MEGF9: variants seen among roughly 807,000 people sequenced by gnomAD.
The protein encoded by MEGF9 is multiple EGF like domains 9.
MEGF9 carries 6 observed loss-of-function variants against 46.8 expected under a neutral mutation model. That is an observed-to-expected ratio of 0.13 (90% CI 0.07 to 0.25). MEGF9 has a LOEUF of 0.25. Ranked by LOEUF, MEGF9 falls within the 10% of genes least tolerant of loss-of-function variation. The probability of loss-of-function intolerance (pLI) is 1.00; values close to 1 mark genes in which losing one functional copy is unlikely to be tolerated. For missense variants in MEGF9, 683 were observed against 792.4 expected (o/e 0.86, Z 1.66); for synonymous variants, 302 against 330.7 (o/e 0.91, Z 0.94).
intron 1 of MEGF9, among the ~76,000 whole-genome samples, chr9:120,661,873 T>C (rs1205263665): frequency 2.0e-5 from 3 of 152,236 alleles, no homozygotes; most frequent in African/African-American, 4.8e-5. Flanking sequence ...ACACTTAACA[T>C]TTTTCTTCTG....
chr9:120,612,494 T>A lies in MEGF9; in HGVS notation c.989A>T (p.Glu330Val). The A allele has an allele frequency of 6.2e-7, 1 of 1,612,398 alleles. No individual in the cohort carries two copies. The highest frequency in any genetic ancestry group is 8.5e-7 in the Non-Finnish European group (1 of 1,178,882). Residue 330 changes from glutamate to valine, a missense_variant, in exon 4 of 6, where the codon GAA becomes GTA. This residue lies in a region of MEGF9 where 313 missense variants were observed against 421.1 expected (regional missense o/e 0.74). Transcript: ENST00000373930. ...CTGATAAAATCCTTCTTTACATTCTTCACAGTGATTTCCTTTGCTATTTTC... is the reference window on the plus strand; with the variant it reads ...CTGATAAAATCCTTCTTTACATTCTACACAGTGATTTCCTTTGCTATTTTC... ...CQENSKGNHC[E>V]ECKEGFYQSP...
intron 1 of MEGF9, among the ~76,000 whole-genome samples, chr9:120,689,296 C>T (rs1257194972): frequency 6.6e-6 from 1 of 152,078 alleles, no homozygotes; most frequent in Non-Finnish European, 1.5e-5. Flanking sequence ...TGTGTAACAA[C>T]ATCAAGGCAA....
chr9:120,630,259 T>C (rs1301429980), intron 2 of MEGF9, among the ~76,000 whole-genome samples: 1 of 152,266 alleles, frequency 6.6e-6, no homozygotes, highest in Non-Finnish European at 1.5e-5. Context: ...AGTTCCCACA[T>C]AAGTAGGAAC....
At chr9:120,613,589 G>GA (rs750905168) in intron 3 of MEGF9, among the ~76,000 whole-genome samples, 52 of 151,674 alleles carry the variant, frequency 3.4e-4, no homozygotes, top group South Asian at 1.3e-3. Flanking sequence ...ATAAAGAAAA[G>GA]AAAAAAACAA....
In MEGF9 at chr9:120,714,017, G is replaced by A. The variant is rs779937587; in HGVS notation, c.342C>T (p.Thr114=). 1.1e-5 allele frequency: 15 copies of A among 1,370,910 alleles called. No individual in the cohort carries two copies. In the East Asian group the frequency reaches 4.2e-4, roughly 38 times the overall value. 84.9% of individuals were successfully genotyped at this position (1,370,910 alleles called of 1,614,324 possible). A position where few individuals can be genotyped will look rare whatever the true frequency, so the allele number is the denominator to read the frequency against. Residue 114 remains threonine, a synonymous_variant, in exon 1 of 6, where the codon ACC becomes ACT. Transcript: ENST00000373930. The part of the protein sequence containing the change: ...PLWATAGPSS[T]TFQAPLGPSP... ...AGGGGCCGAGCGGCGCCTGAAAGGT[G>A]GTGGAAGAGGGTCCAGCAGTCGCCC...
At chr9:120,667,868 T>C (rs915781839) in intron 1 of MEGF9, among the ~76,000 whole-genome samples, 3 of 152,048 alleles carry the variant, frequency 2.0e-5, no homozygotes, top group African/African-American at 7.2e-5. Flanking sequence ...TCTACTAAAA[T>C]ACAAAAATTA....
At chr9:120,656,546 CA>C (rs11446439) in intron 2 of MEGF9, among the ~76,000 whole-genome samples, 1,724 of 88,876 alleles carry the variant, frequency 0.019, 12 homozygotes, top group African/African-American at 0.068. Context: ...GACTCCGTCT[CA>C]AAAAAAAAAA....
chr9:120,659,079 C>A (rs867707360), intron 2 of MEGF9, among the ~76,000 whole-genome samples: 5 of 152,146 alleles, frequency 3.3e-5, no homozygotes, highest in Non-Finnish European at 2.9e-5. Context: ...GAAAGCCCTT[C>A]CAGAAAGCAG....
chr9:120,637,154 G>A (rs1342353098), intron 2 of MEGF9, among the ~76,000 whole-genome samples: 2 of 152,290 alleles, frequency 1.3e-5, no homozygotes, highest in Admixed American at 6.5e-5. Context: ...AACATGTGCT[G>A]TGTCAACTCA....
At chr9:120,663,219 A>G (rs1030857041) in intron 1 of MEGF9, among the ~76,000 whole-genome samples, 1 of 152,310 alleles carries the variant, frequency 6.6e-6, no homozygotes, top group African/African-American at 2.4e-5. Flanking sequence ...GCCAGGGAGC[A>G]TGGGCATCTT....
At chr9:120,666,812 A>G (rs1257701542) in intron 1 of MEGF9, among the ~76,000 whole-genome samples, 1 of 152,188 alleles carries the variant, frequency 6.6e-6, no homozygotes, top group Non-Finnish European at 1.5e-5. Context: ...CCATTCATCA[A>G]TAAAAAGGAA....
chr9:120,695,064 G>C (rs575243546), intron 1 of MEGF9, among the ~76,000 whole-genome samples: 1 of 151,580 alleles, frequency 6.6e-6, no homozygotes, highest in Admixed American at 6.6e-5. Context: ...GAGAGAGAGA[G>C]AGACAAAGAC....
intron 2 of MEGF9, among the ~76,000 whole-genome samples, chr9:120,634,567 T>C (rs2043565956): frequency 6.8e-6 from 1 of 146,888 alleles, no homozygotes; most frequent in South Asian, 2.2e-4. Flanking sequence ...GCCATTCTCC[T>C]GCCTCAGGAA....
chr9:120,706,525 C>T (rs950077431), intron 1 of MEGF9, among the ~76,000 whole-genome samples: 2 of 152,084 alleles, frequency 1.3e-5, no homozygotes, highest in Admixed American at 6.5e-5. Context: ...AATTGTAAAA[C>T]GTTGTCAAAC....
chr9:120,669,944 C>T (rs2043741293), intron 1 of MEGF9, among the ~76,000 whole-genome samples: 2 of 152,126 alleles, frequency 1.3e-5, no homozygotes, highest in Admixed American at 6.5e-5. Context: ...TTACAATTTT[C>T]TGGCAGAAGG....
At chr9:120,666,387 C>T (rs2043725145) in intron 1 of MEGF9, among the ~76,000 whole-genome samples, 1 of 152,094 alleles carries the variant, frequency 6.6e-6, no homozygotes. Context: ...ACACACAATG[C>T]AAATATTATA....
intron 1 of MEGF9, among the ~76,000 whole-genome samples, chr9:120,698,764 C>T (rs1205601324): frequency 2.0e-5 from 3 of 152,164 alleles, no homozygotes; most frequent in Admixed American, 6.5e-5. Context: ...TCAATTTAAT[C>T]CCCTCTCAAT....
At chr9:120,672,458 A>G (rs2043753880) in intron 1 of MEGF9, among the ~76,000 whole-genome samples, 1 of 151,506 alleles carries the variant, frequency 6.6e-6, no homozygotes, top group Non-Finnish European at 1.5e-5. Flanking sequence ...ATAAATAAAT[A>G]AATAAATAAA....
rs10984968 is a variant in MEGF9, at chr9:120,630,200, C to T, written c.804-7445G>A. Among the ~76,000 whole-genome samples, 2,233 of 152,262 alleles carry T rather than the reference C, an allele frequency of 0.015. 67 individuals carry two copies. In the East Asian group the frequency reaches 0.15, roughly 10 times the overall value. On this transcript the variant is annotated intron_variant, in intron 2 of 5. Transcript: ENST00000373930. ...TATCTTCCCCTCCCACCTTTTCTAC[C>T]TTTAATAACCACTATTCTACTTTCT...
Sources: gnomAD v4.1 joint callset for allele counts (sites outside exome capture counted in the v4.1 genomes callset) on GRCh38, gnomAD v4.1.1 for gene constraint, gnomAD v4.1.1 regional missense constraint, MANE v1.5 for transcripts, NCBI Gene and HGNC (gene_info 2026-07-23, HGNC 2026-07-21) for gene names.